TXNRD1: variants seen among roughly 807,000 people sequenced by gnomAD.
TXNRD1 encodes thioredoxin reductase 1.
TXNRD1 carries 57 observed loss-of-function variants against 80.3 expected under a neutral mutation model. The observed-to-expected ratio is 0.71, with a 90% CI of 0.57 to 0.89. The LOEUF (loss-of-function observed/expected upper bound fraction) is 0.89. Ranked by LOEUF, TXNRD1 falls within the 40% of genes least tolerant of loss-of-function variation. The pLI, the probability that TXNRD1 is intolerant of heterozygous loss-of-function variation, is 0.00. For synonymous variants in TXNRD1, 291 were observed against 285.2 expected, an observed-to-expected ratio of 1.02 and a Z score of -0.20; for missense variants, 730 against 803.0, an observed-to-expected ratio of 0.91 and a Z score of 1.10.
chr12:104,339,090 G>T (rs896759025), intron 15 of TXNRD1, 49 bp from the exon 16 acceptor site: 36 of 1,607,424 alleles, frequency 2.2e-5, no homozygotes, highest in Non-Finnish European at 3.1e-5. Context: ...AGGAAGAGGA[G>T]GGGAGAAAAA....
At chr12:104,247,474 T>A (rs1166344690) in intron 1 of TXNRD1, among the ~76,000 whole-genome samples, 3 of 152,194 alleles carry the variant, frequency 2.0e-5, no homozygotes, top group African/African-American at 7.2e-5. Flanking sequence ...ATTTCAAAAT[T>A]GAGGGGGAAA....
At chr12:104,245,537 AAAAAAG>A (rs2032962731) in intron 1 of TXNRD1, among the ~76,000 whole-genome samples, 1 of 148,582 alleles carries the variant, frequency 6.7e-6, no homozygotes, top group Non-Finnish European at 1.5e-5. Flanking sequence ...AAAAAAAAAA[AAAAAAG>A]AATACTGAGT....
In TXNRD1 at chr12:104,313,250, A is replaced by T; in HGVS notation, c.543A>T (p.Ala181=). 3 of 1,583,440 alleles carry T rather than the reference A, an allele frequency of 1.9e-6. No homozygotes were observed. The highest frequency in any genetic ancestry group is 2.6e-6 in the Non-Finnish European group (3 of 1,163,016). ...TTAATAATTTTATTTTCCAGGAGGC[A>T]GCCCAATATGGCAAGAAGGTGATGG... is the stretch of plus-strand genomic sequence containing the variant. ...GSGGLAAAKE[A]AQYGKKVMVL... is the part of the protein sequence containing the mutation. The change falls in exon 6 of 17, where the codon GCA becomes GCT. Residue 181 remains alanine, a synonymous_variant. Transcript: ENST00000525566.
At chr12:104,219,727 C>T (rs2032306255) in intron 1 of TXNRD1, among the ~76,000 whole-genome samples, 1 of 152,094 alleles carries the variant, frequency 6.6e-6, no homozygotes, top group Admixed American at 6.6e-5. Context: ...CAGTCCTTGG[C>T]ATACTGCCCT....
At chr12:104,229,593 A>T (rs1449106427) in intron 1 of TXNRD1, among the ~76,000 whole-genome samples, 37 of 149,328 alleles carry the variant, frequency 2.5e-4, no homozygotes, top group African/African-American at 8.7e-4. Context: ...ATTTTATTTT[A>T]TTTTATTTAT....
intron 12 of TXNRD1, 95 bp from the exon 13 acceptor site, chr12:104,327,420 T>C: frequency 7.8e-7 from 1 of 1,286,016 alleles, no homozygotes; most frequent in South Asian, 1.5e-5. Flanking sequence ...TCAGCTAGAG[T>C]CACAATTTTG....
intron 16 of TXNRD1, among the ~76,000 whole-genome samples, chr12:104,339,962 A>G (rs1474346188): frequency 6.6e-6 from 1 of 152,200 alleles, no homozygotes; most frequent in African/African-American, 2.4e-5. Context: ...ACACACACAT[A>G]TGCACATTGT....
rs35610378 is a variant in TXNRD1 at position 104,317,542 on chromosome 12, A to G, written c.731-1371A>G. Among the ~76,000 whole-genome samples the G allele has an allele frequency of 6.8e-4, 104 of 152,188 alleles. No homozygotes were observed. The East Asian group carries it at 0.017, about 25-fold the overall frequency. On this transcript the variant is annotated intron_variant, in intron 7 of 16. Coordinates refer to ENST00000525566, the MANE Select transcript of TXNRD1 (RefSeq NM_001093771.3). Reference sequence around the variant, plus strand: ...GCTGGCCAGTAAGTGTTATAAGCCTATTTTCAAAACTTACTGTATAGCCAG... The same window carrying G: ...GCTGGCCAGTAAGTGTTATAAGCCTGTTTTCAAAACTTACTGTATAGCCAG...
At chr12:104,279,406 G>A (rs536228364) in intron 3 of TXNRD1, among the ~76,000 whole-genome samples, 24 of 152,210 alleles carry the variant, frequency 1.6e-4, no homozygotes, top group Non-Finnish European at 3.4e-4. Flanking sequence ...ATGCTTGGAA[G>A]TTAGCAAAGC....
intron 1 of TXNRD1, among the ~76,000 whole-genome samples, chr12:104,223,082 A>T (rs966682115): frequency 3.3e-5 from 5 of 152,124 alleles, no homozygotes; most frequent in African/African-American, 1.2e-4. Context: ...AAGTTTGGAC[A>T]TTTTTCTTAA....
chr12:104,248,826 CT>C (rs1291336441), intron 1 of TXNRD1, among the ~76,000 whole-genome samples: 2 of 151,378 alleles, frequency 1.3e-5, no homozygotes, highest in Non-Finnish European at 3.0e-5. Context: ...TTTTTCTTTT[CT>C]TTTTTTTTCT....
chr12:104,231,701 A>G (rs1011899568), intron 1 of TXNRD1, among the ~76,000 whole-genome samples: 1 of 152,022 alleles, frequency 6.6e-6, no homozygotes, highest in African/African-American at 2.4e-5. Flanking sequence ...CCTTGATTTT[A>G]TTTTCCCAAA....
chr12:104,321,136 T>C lies in TXNRD1; in HGVS notation c.1035T>C (p.Val345=). The C allele has an allele frequency of 1.2e-6, 2 of 1,613,586 alleles. No homozygotes were observed. The highest frequency in any genetic ancestry group is 2.2e-5 in the South Asian group (2 of 91,042). The change falls in exon 10 of 17, where the codon GTT becomes GTC. Residue 345 remains valine, a synonymous_variant. Coordinates refer to ENST00000525566, the MANE Select transcript of TXNRD1 (RefSeq NM_001093771.3). ...SLPYCPGKTL[V]VGASYVALEC... is the part of the protein sequence containing the mutation. ...CTTACTGCCCGGGTAAGACCCTGGT[T>C]GTTGGAGCATCCTATGTCGCTTTGG...
At chr12:104,319,191 T>C in intron 8 of TXNRD1, 136 bp downstream of exon 8, 1 of 1,130,030 alleles carries the variant, frequency 8.8e-7, no homozygotes, top group Non-Finnish European at 1.2e-6. Flanking sequence ...GTGATTTTGC[T>C]ATCATATCAT....
intron 3 of TXNRD1, chr12:104,287,337 A>C: frequency 1.9e-6 from 3 of 1,614,012 alleles, no homozygotes; most frequent in Non-Finnish European, 2.5e-6. Context: ...AAGCTTCAGC[A>C]TGTCATGTGG....
At chr12:104,227,009 A>G (rs2032487247) in intron 1 of TXNRD1, among the ~76,000 whole-genome samples, 1 of 152,170 alleles carries the variant, frequency 6.6e-6, no homozygotes, top group South Asian at 2.1e-4. Context: ...TTAAGACCCA[A>G]AAGACTGTCA....
chr12:104,287,214 GCA>G, intron 3 of TXNRD1: 1 of 1,608,980 alleles, frequency 6.2e-7, no homozygotes, highest in Non-Finnish European at 8.5e-7. Context: ...CCTGGGTGCA[GCA>G]GTGTGCGTCT....
chr12:104,258,899 T>A (rs781028362), intron 3 of TXNRD1, among the ~76,000 whole-genome samples: 1 of 152,142 alleles, frequency 6.6e-6, no homozygotes, highest in South Asian at 2.1e-4. Context: ...CATTGCACTC[T>A]AGCCTGGATT....
At chr12:104,341,405 C>T (rs528826388) in intron 16 of TXNRD1, among the ~76,000 whole-genome samples, 39 of 152,158 alleles carry the variant, frequency 2.6e-4, no homozygotes, top group Non-Finnish European at 5.4e-4. Flanking sequence ...GGGGACACAG[C>T]AGGGATTTGA....
Sources: allele counts gnomAD v4.1 joint callset (sites outside exome capture counted in the v4.1 genomes callset), GRCh38; gene constraint gnomAD v4.1.1; transcripts MANE v1.5; gene names NCBI Gene and HGNC (gene_info 2026-07-23, HGNC 2026-07-21).